KIFC3: variants seen among roughly 807,000 people sequenced by gnomAD.
KIFC3 encodes the protein kinesin family member C3.
A neutral mutation model predicts 101.8 loss-of-function variants in KIFC3; 60 were observed. That is an observed-to-expected ratio of 0.59 (90% CI 0.48 to 0.73). KIFC3 has a LOEUF of 0.73. Among genes scored for constraint, KIFC3 ranks in the 30% least tolerant of loss-of-function variants. The pLI, the probability that KIFC3 is intolerant of heterozygous loss-of-function variation, is 0.00. For synonymous variants in KIFC3, 476 were observed against 482.7 expected, an observed-to-expected ratio of 0.99 and a Z score of 0.18; for missense variants, 966 against 1,137.1, an observed-to-expected ratio of 0.85 and a Z score of 2.16.
In KIFC3 at chr16:57,852,960, G is replaced by A. The variant is rs190549008; in HGVS notation, c.108+9769C>T. ...GAAGACATAGAAATTTTTTTGTACA[G>A]AACTAAAATTAGTATGCTATAGTAT... On this transcript the variant is annotated intron_variant, in intron 1 of 2. Transcript: ENST00000563028. Among the ~76,000 whole-genome samples, 404 of 151,998 alleles carry A rather than the reference G, an allele frequency of 2.7e-3. 7 individuals carry two copies. The highest frequency in any genetic ancestry group is 5.9e-4 in the Non-Finnish European group (40 of 67,958).
intron 3 of KIFC3, among the ~76,000 whole-genome samples, chr16:57,793,139 T>C: frequency 6.7e-6 from 1 of 149,000 alleles, no homozygotes; most frequent in South Asian, 2.1e-4. Context: ...ATACAAAAAT[T>C]AGCCAGGTGT....
At chr16:57,828,566 C>G (rs1313806480) in intron 1 of KIFC3, among the ~76,000 whole-genome samples, 1 of 152,228 alleles carries the variant, frequency 6.6e-6, no homozygotes, top group Non-Finnish European at 1.5e-5. Flanking sequence ...CGGCATTGGA[C>G]CAGGGTCCCA....
chr16:57,860,398 A>ATCTTT (rs2056279342), intron 1 of KIFC3, among the ~76,000 whole-genome samples: 10 of 152,224 alleles, frequency 6.6e-5, no homozygotes, highest in Admixed American at 5.2e-4. Context: ...GGTTGCAGTG[A>ATCTTT]GCCAAAGATC....
chr16:57,816,822 C>T (rs937791915), intron 1 of KIFC3: 18 of 446,024 alleles, frequency 4.0e-5, no homozygotes, highest in African/African-American at 3.4e-4. Context: ...CCATCCCACC[C>T]CCAGTAAGAC....
chr16:57,842,819 T>C (rs1198222074), intron 1 of KIFC3, among the ~76,000 whole-genome samples: 1 of 152,174 alleles, frequency 6.6e-6, no homozygotes, highest in Non-Finnish European at 1.5e-5. Flanking sequence ...CACAATTATG[T>C]TCCAATTCCT....
In KIFC3 at chr16:57,844,417, C is replaced by G. The variant is rs1286216812; in HGVS notation, c.108+18312G>C. The stretch of plus-strand genomic sequence containing the variant: ...TGCACTTCAGCTTTGGGCGACAGAG[C>G]AAGACTCAGTCTCAGGGAAAAAAAA... On this transcript the variant is annotated intron_variant, in intron 1 of 2. Transcript: ENST00000563028. Among the ~76,000 whole-genome samples, 29 of 115,922 alleles carry G rather than the reference C, an allele frequency of 2.5e-4. 1 individual carries two copies. Among genetic ancestry groups the G allele is most frequent in the Non-Finnish European group, 4.5e-4 (27 of 60,374 alleles). The allele number at this position is 115,922 out of a possible 152,430, so 76.0% of individuals were successfully genotyped here.
chr16:57,783,393 C>A (rs1335355660), intron 3 of KIFC3, among the ~76,000 whole-genome samples: 1 of 150,704 alleles, frequency 6.6e-6, no homozygotes. Context: ...ATACTTACCA[C>A]CGACCACCGA....
intron 1 of KIFC3, among the ~76,000 whole-genome samples, chr16:57,830,140 G>A (rs1333219015): frequency 6.6e-6 from 1 of 152,060 alleles, no homozygotes; most frequent in African/African-American, 2.4e-5. Flanking sequence ...GTGACAGGCA[G>A]ATCTGGGTTT....
At chr16:57,760,503 G>T in intron 16 of KIFC3, 87 bp from the exon 17 acceptor site, 1 of 1,499,642 alleles carries the variant, frequency 6.7e-7, no homozygotes, top group Non-Finnish European at 9.1e-7. Context: ...GGGGCCGTCA[G>T]AAGGCTTCCT....
intron 1 of KIFC3, among the ~76,000 whole-genome samples, chr16:57,850,602 A>G (rs140039221): frequency 0.058 from 8,743 of 149,792 alleles, 302 homozygotes; most frequent in African/African-American, 0.066. Flanking sequence ...CAGCCTCCCA[A>G]ATAGCTGGGA....
Position 57,771,180 on chromosome 16 carries a change from A to G in KIFC3, c.765+18T>C. 1 of 1,610,332 alleles carries G rather than the reference A, an allele frequency of 6.2e-7. No individual in the cohort carries two copies. On this transcript the variant is annotated intron_variant, in intron 6 of 19. Transcript: ENST00000445690. ...GGGGCCTTGGGCTGAGGCACAGATC[A>G]GGTGGGCCAGGGCTCACCTTGACAG...
At chr16:57,831,170 T>C (rs2055572902) in intron 1 of KIFC3, among the ~76,000 whole-genome samples, 1 of 152,156 alleles carries the variant, frequency 6.6e-6, no homozygotes. Context: ...GCAGGGCTGT[T>C]GCTCAGCAGG....
At chr16:57,791,783 T>A (rs2053892217) in intron 3 of KIFC3, among the ~76,000 whole-genome samples, 1 of 152,218 alleles carries the variant, frequency 6.6e-6, no homozygotes, top group Non-Finnish European at 1.5e-5. Flanking sequence ...CCAATTTAAC[T>A]ACAGATGGCT....
intron 1 of KIFC3, chr16:57,815,494 C>G: frequency 3.2e-6 from 4 of 1,251,404 alleles, no homozygotes; most frequent in Non-Finnish European, 4.1e-6. Flanking sequence ...CCCAACCTGG[C>G]TGATCTGGGA....
At chr16:57,839,576 T>C (rs1220293666) in intron 1 of KIFC3, among the ~76,000 whole-genome samples, 1 of 152,112 alleles carries the variant, frequency 6.6e-6, no homozygotes, top group Non-Finnish European at 1.5e-5. Context: ...TATTTATAAA[T>C]GTCTCTGTAA....
At chr16:57,777,449 G>A (rs1473879394) in intron 3 of KIFC3, among the ~76,000 whole-genome samples, 2 of 152,232 alleles carry the variant, frequency 1.3e-5, no homozygotes, top group African/African-American at 2.4e-5. Context: ...GGCCAGGCGC[G>A]GTGGCTCATG....
At chr16:57,816,303 G>A (rs1555628779) in intron 1 of KIFC3, 3 of 1,234,936 alleles carry the variant, frequency 2.4e-6, no homozygotes, top group Non-Finnish European at 3.2e-6. Flanking sequence ...AAGTAAGGAA[G>A]TGCGGTGGGA....
At chr16:57,785,734 C>T (rs898551827) in intron 3 of KIFC3, 19 of 957,398 alleles carry the variant, frequency 2.0e-5, no homozygotes, top group Middle Eastern at 2.7e-4. Flanking sequence ...GGGGGTCCAT[C>T]ACAGCAAGAC....
intron 1 of KIFC3, among the ~76,000 whole-genome samples, chr16:57,824,047 G>A (rs1205836811): frequency 6.6e-6 from 1 of 152,238 alleles, no homozygotes; most frequent in Non-Finnish European, 1.5e-5. Context: ...GTCAGGGAGA[G>A]CACGTCTTGC....
Sources: allele counts gnomAD v4.1 joint callset (sites outside exome capture counted in the v4.1 genomes callset), GRCh38; gene constraint gnomAD v4.1.1; transcripts MANE v1.5; gene names NCBI Gene and HGNC (gene_info 2026-07-23, HGNC 2026-07-21).